The following LPP variants were observed in gnomAD, a reference collection of about 807,000 sequenced individuals.
LPP encodes LIM domain containing preferred translocation partner in lipoma, also known as lipoma-preferred partner.
Under a neutral mutation model 60.4 loss-of-function variants are expected in LPP, and 38 were observed. The ratio of observed to expected loss-of-function variants is 0.63; its 90% CI spans 0.49 to 0.83. LPP has a LOEUF of 0.83. Ranked by LOEUF, LPP falls within the 40% of genes least tolerant of loss-of-function variation. The pLI is 0.00. For synonymous variants in LPP, 328 were observed against 290.8 expected, an observed-to-expected ratio of 1.13 and a Z score of -1.30; for missense variants, 902 against 783.6, an observed-to-expected ratio of 1.15 and a Z score of -1.80.
intron 9 of LPP, among the ~76,000 whole-genome samples, chr3:188,765,489 C>A (rs1733737075): frequency 6.6e-6 from 1 of 152,110 alleles, no homozygotes; most frequent in Admixed American, 6.6e-5. Flanking sequence ...TCATACAGCC[C>A]CTTACATTTT....
chr3:188,281,255 A>G (rs1454024779), intron 2 of LPP, among the ~76,000 whole-genome samples: 1 of 152,152 alleles, frequency 6.6e-6, no homozygotes, highest in Non-Finnish European at 1.5e-5. Flanking sequence ...GTAAACAAAT[A>G]CACACTTATT....
At chr3:188,501,618 G>A (rs1057359357) in intron 5 of LPP, among the ~76,000 whole-genome samples, 7 of 152,190 alleles carry the variant, frequency 4.6e-5, no homozygotes, top group South Asian at 4.2e-4. Flanking sequence ...GCGTGGTGGC[G>A]GGCACCTGTA....
At chr3:188,255,198 C>G (rs944909999) in intron 2 of LPP, among the ~76,000 whole-genome samples, 3 of 152,148 alleles carry the variant, frequency 2.0e-5, no homozygotes, top group Non-Finnish European at 4.4e-5. Context: ...CTGAGAATAC[C>G]ACATCTGCTG....
chr3:188,385,080 A>T (rs879642178), intron 3 of LPP, among the ~76,000 whole-genome samples: 10 of 151,752 alleles, frequency 6.6e-5, no homozygotes, highest in Non-Finnish European at 1.3e-4. Flanking sequence ...TTTAGACAGT[A>T]CATCCTTTAT....
intron 3 of LPP, among the ~76,000 whole-genome samples, chr3:188,367,306 G>T (rs944525709): frequency 2.6e-5 from 4 of 152,104 alleles, no homozygotes; most frequent in African/African-American, 9.7e-5. Context: ...AGCAGAGGGA[G>T]AACCCAGTCC....
At chr3:188,270,471 A>C (rs1560182481) in intron 2 of LPP, among the ~76,000 whole-genome samples, 1 of 152,192 alleles carries the variant, frequency 6.6e-6, no homozygotes, top group East Asian at 1.9e-4. Flanking sequence ...TTTGCATTTC[A>C]GTAAATGTTT....
intron 4 of LPP, among the ~76,000 whole-genome samples, chr3:188,439,803 A>G (rs1266260378): frequency 6.6e-6 from 1 of 152,208 alleles, no homozygotes. Flanking sequence ...ATTGTTCACT[A>G]TATTACCAAG....
At chr3:188,467,096 A>T (rs1358967216) in intron 4 of LPP, among the ~76,000 whole-genome samples, 1 of 151,646 alleles carries the variant, frequency 6.6e-6, no homozygotes, top group Non-Finnish European at 1.5e-5. Context: ...CCTTATCCAT[A>T]AAATGGACCT....
intron 7 of LPP, among the ~76,000 whole-genome samples, chr3:188,705,832 G>A (rs1242141073): frequency 6.6e-6 from 1 of 152,016 alleles, no homozygotes; most frequent in Non-Finnish European, 1.5e-5. Flanking sequence ...GGCTAGGCTG[G>A]TCTCGAACTT....
At chr3:188,804,244 T>TATAC (rs1491558123) in intron 9 of LPP, among the ~76,000 whole-genome samples, 46 of 9,074 alleles carry the variant, frequency 5.1e-3, no homozygotes, top group African/African-American at 0.014. Context: ...AGTGCATCTT[T>TATAC]ATATATATAT....
chr3:188,294,885 C>T (rs1420691069), intron 2 of LPP, among the ~76,000 whole-genome samples: 3 of 152,184 alleles, frequency 2.0e-5, no homozygotes. Context: ...TAGGAGGTGC[C>T]GTTCGAGTCC....
At chr3:188,747,240 G>A (rs2150261170) in intron 8 of LPP, among the ~76,000 whole-genome samples, 1 of 152,230 alleles carries the variant, frequency 6.6e-6, no homozygotes, top group Admixed American at 6.5e-5. Flanking sequence ...TGATCTCACA[G>A]GTCTATAAGC....
chr3:188,240,102 T>A (rs191636559), intron 2 of LPP: 4 of 195,176 alleles, frequency 2.0e-5, no homozygotes, highest in African/African-American at 2.3e-5. Context: ...GGCAGATGGA[T>A]ACATCTGTGA....
intron 9 of LPP, among the ~76,000 whole-genome samples, chr3:188,814,284 A>C (rs1014964007): frequency 2.6e-5 from 4 of 152,218 alleles, no homozygotes; most frequent in African/African-American, 9.7e-5. Context: ...ATGCATTACA[A>C]AAAAGCCACA....
At chr3:188,573,387 T>A (rs1181474322) in intron 6 of LPP, among the ~76,000 whole-genome samples, 1 of 152,120 alleles carries the variant, frequency 6.6e-6, no homozygotes, top group Non-Finnish European at 1.5e-5. Flanking sequence ...CAAGCCTCCC[T>A]AAAATTTCAC....
intron 5 of LPP, among the ~76,000 whole-genome samples, chr3:188,487,373 A>C (rs1806862526): frequency 6.6e-6 from 1 of 152,210 alleles, no homozygotes; most frequent in African/African-American, 2.4e-5. Flanking sequence ...GGGCTTTCAA[A>C]AGATAATGAA....
rs371444537 is a variant in LPP at position 188,665,457 on chromosome 3, C to CTT, written c.1114-42809_1114-42808dup. On this transcript the variant is annotated intron_variant, in intron 7 of 11. Coordinates refer to ENST00000617246, the MANE Select transcript of LPP (RefSeq NM_001375462.1). ...AGCAAACATATTCCTTCTTCTTCTT[C>CTT]TTCTTTTTTTTTTTTTTTTGAGATG... Among the ~76,000 whole-genome samples, 152 of 87,032 alleles carry CTT rather than the reference C, an allele frequency of 1.7e-3. 6 individuals are homozygous for CTT. Among genetic ancestry groups the CTT allele is most frequent in the African/African-American group, 5.2e-3 (122 of 23,604 alleles). 57.1% of individuals were successfully genotyped at this position (87,032 alleles called of 152,430 possible).
chr3:188,438,986 T>A (rs1455072084), intron 4 of LPP, among the ~76,000 whole-genome samples: 1 of 152,202 alleles, frequency 6.6e-6, no homozygotes, highest in African/African-American at 2.4e-5. Context: ...CAACTGTAGT[T>A]AGTGCAGAGT....
intron 8 of LPP, among the ~76,000 whole-genome samples, chr3:188,714,415 T>C (rs1712924387): frequency 6.6e-6 from 1 of 152,170 alleles, no homozygotes; most frequent in Admixed American, 6.5e-5. Context: ...CTGAGGTACA[T>C]ACATTAGGAA....
Sources: allele counts gnomAD v4.1 joint callset (sites outside exome capture counted in the v4.1 genomes callset), GRCh38; gene constraint gnomAD v4.1.1; transcripts MANE v1.5; gene names NCBI Gene and HGNC (gene_info 2026-07-23, HGNC 2026-07-21).